DYNLT4: variants seen among roughly 807,000 people sequenced by gnomAD.
DYNLT4 encodes the protein dynein light chain Tctex-type 4.
DYNLT4 carries 3 observed loss-of-function variants against 1.5 expected under a neutral mutation model. The observed-to-expected ratio is 1.97, with a 90% CI of 0.90 to 5.08. The LOEUF (loss-of-function observed/expected upper bound fraction) is 5.08, where lower values mean the gene tolerates loss of function less well. Ranked by LOEUF, DYNLT4 falls within the 30% of genes most tolerant of loss-of-function variation. The pLI is 0.02. For missense variants in DYNLT4, 346 were observed against 341.0 expected, an observed-to-expected ratio of 1.01 and a Z score of -0.12; for synonymous variants, 181 against 160.0, an observed-to-expected ratio of 1.13 and a Z score of -0.99.
At position 44,806,227 on chromosome 1, in the gene DYNLT4, G is replaced by C. The variant is rs1431761412; in HGVS notation, c.442C>G (p.Leu148Val). 1.3e-6 allele frequency: 2 copies of C among 1,533,974 alleles called. No individual in the cohort carries two copies. The highest frequency in any genetic ancestry group is 2.5e-5 in the East Asian group (1 of 40,770). ...ACCTGCTCGCAGAGCTCCCGCACCA[G>C]CCGCGCGGCCTCGTCGCTGGAGTAG... is the stretch of plus-strand genomic sequence containing the variant. The part of the protein sequence containing the change: ...ACYSSDEAAR[L>V]VRELCEQVHV... Residue 148 changes from leucine (L) to valine (V), a missense_variant, in exon 3 of 3, where the codon CTG (leucine) becomes GTG (valine). Leu to Val is a conservative substitution (Grantham distance 32). Coordinates refer to ENST00000339355, the MANE Select transcript of DYNLT4 (RefSeq NM_001377534.1).
chr1:44,805,955 G>T lies in DYNLT4; in HGVS notation c.*48C>A. 1 of 1,509,430 alleles carries T rather than the reference G, an allele frequency of 6.6e-7. No homozygotes were observed. The highest frequency in any genetic ancestry group is 8.9e-7 in the Non-Finnish European group (1 of 1,129,176). The allele number at this position is 1,509,430 out of a possible 1,614,324, so 93.5% of individuals were successfully genotyped here. The stretch of plus-strand genomic sequence containing the variant: ...ATTTATTGGGATGTGAGCCCCAGGG[G>T]GGCCTCCTCCTAGGATAATAAACAA... On this transcript the variant is annotated 3_prime_UTR_variant, in exon 3 of 3. Coordinates refer to ENST00000339355, the MANE Select transcript of DYNLT4 (RefSeq NM_001377534.1).
intron 1 of DYNLT4, 161 bp downstream of exon 1, chr1:44,807,164 C>T: frequency 1.0e-6 from 1 of 981,430 alleles, no homozygotes; most frequent in Non-Finnish European, 1.2e-6. Flanking sequence ...CAGATCTACT[C>T]TAGGGTGGCT....
rs779385197 is a variant in DYNLT4, at chr1:44,806,451, C to G, written c.218G>C (p.Gly73Ala). ...CAGGGATGGCCGCTGACCCCCAGGA[C>G]CCGCGCCTGGCCCGACCAGCGAGTT... The part of the protein sequence containing the change: ...RRNSLVGPGA[G>A]PGGQRPSLGP... The change falls in exon 3 of 3, where the codon GGT (glycine) becomes GCT (alanine). Residue 73 changes from glycine to alanine, a missense_variant. Gly to Ala is a moderately conservative substitution (Grantham distance 60). Transcript: ENST00000339355. 9 of 1,525,250 alleles carry G rather than the reference C, an allele frequency of 5.9e-6. 1 individual carries two copies. The South Asian group carries it at 8.4e-5, about 14-fold the overall frequency. 94.5% of individuals were successfully genotyped at this position (1,525,250 alleles called of 1,614,324 possible).
At chr1:44,806,703 G>A in intron 2 of DYNLT4, 24 bp from the exon 3 acceptor site, 1 of 1,427,062 alleles carries the variant, frequency 7.0e-7, no homozygotes, top group South Asian at 1.5e-5. Flanking sequence ...ACTCAGGGTG[G>A]CCTTCACCAG....
At position 44,806,457 on chromosome 1, in the gene DYNLT4, C is replaced by T. The variant is rs1466038982; in HGVS notation, c.212G>A (p.Gly71Asp). 1.7e-5 allele frequency: 26 copies of T among 1,524,128 alleles called. No individual in the cohort carries two copies. The highest frequency in any genetic ancestry group is 2.3e-5 in the Non-Finnish European group (26 of 1,141,532). 94.4% of individuals were successfully genotyped at this position (1,524,128 alleles called of 1,614,324 possible). The change falls in exon 3 of 3, where the codon GGC becomes GAC. Residue 71 changes from glycine (G) to aspartate (D), a missense_variant. Physicochemically the swap from Gly to Asp is moderately conservative, Grantham distance 94. Transcript: ENST00000339355. Reference sequence around the variant, plus strand: ...TGGCCGCTGACCCCCAGGACCCGCGCCTGGCCCGACCAGCGAGTTGCGGCG... The same window carrying T: ...TGGCCGCTGACCCCCAGGACCCGCGTCTGGCCCGACCAGCGAGTTGCGGCG... ...FSRRNSLVGP[G>D]AGPGGQRPSL...
In DYNLT4 at chr1:44,806,193, C is replaced by T. The variant is rs1333545264; in HGVS notation, c.476G>A (p.Arg159His). 4 of 1,548,852 alleles carry T rather than the reference C, an allele frequency of 2.6e-6. No homozygotes were observed. Among genetic ancestry groups the T allele is most frequent in the East Asian group, 4.8e-5 (2 of 41,722 alleles). Reference protein sequence around the residue: ...VRELCEQVHVRLRELSPPRYK... With the variant: ...VRELCEQVHVHLRELSPPRYK... ...GCGTGGCGGGCTGAGCTCGCGCAGG[C>T]GAACGTGCACCTGCTCGCAGAGCTC... is the stretch of plus-strand genomic sequence containing the variant. Residue 159 changes from arginine (R) to histidine (H), a missense_variant, in exon 3 of 3, where the codon CGC becomes CAC. Arg to His is a conservative substitution (Grantham distance 29). Coordinates refer to ENST00000339355, the MANE Select transcript of DYNLT4 (RefSeq NM_001377534.1).
rs759039462 is a variant in DYNLT4, at chr1:44,806,175, GGGCTGAGCTCGCGCA to G, written c.479_493del (p.Leu160_Ser164del). 41 of 1,567,006 alleles carry G rather than the reference GGGCTGAGCTCGCGCA, an allele frequency of 2.6e-5. 1 individual carries two copies. The South Asian group carries it at 4.6e-4, about 18-fold the overall frequency. ...ACTGCATACCAGCTTGTAGCGTGGCGGGCTGAGCTCGCGCAGGCGAACGTGCACCTGCTCGCAGAG... is the reference window on the plus strand; with the variant it reads ...ACTGCATACCAGCTTGTAGCGTGGCGGGCGAACGTGCACCTGCTCGCAGAG... On this transcript the variant is annotated inframe_deletion, in exon 3 of 3. Transcript: ENST00000339355.
At chr1:44,806,861 G>A in intron 1 of DYNLT4, 23 bp from the exon 2 acceptor site, 1 of 985,424 alleles carries the variant, frequency 1.0e-6, no homozygotes, top group Non-Finnish European at 1.2e-6. Context: ...AAGGCTGTTA[G>A]ACACATGAGC....
chr1:44,806,513 GC>G lies in DYNLT4; in HGVS notation c.155del (p.Gly52AlafsTer206). 1 of 1,498,642 alleles carries G rather than the reference GC, an allele frequency of 6.7e-7. No individual in the cohort carries two copies. The highest frequency in any genetic ancestry group is 2.3e-5 in the Admixed American group (1 of 43,498). The allele number at this position is 1,498,642 out of a possible 1,614,324, so 92.8% of individuals were successfully genotyped here. A position where few individuals can be genotyped will look rare whatever the true frequency, so the allele number is the denominator to read the frequency against. On this transcript the variant is annotated frameshift_variant, in exon 3 of 3. Transcript: ENST00000339355. LOFTEE classifies it low-confidence loss of function (END_TRUNC). ...AGGACGCGGCCAGGCCCAGCATGGA[GC>G]CCCGGCGCGAGGCCGGGGCTGGACC... is the stretch of plus-strand genomic sequence containing the variant. The part of the protein sequence containing the change: ...GPGPAPASRR[G>X]SMLGLAASFS...
rs768067216 is a variant in DYNLT4, at chr1:44,806,015, G to A, written c.654C>T (p.Leu218=). The change falls in exon 3 of 3, where the codon CTC becomes CTT. Residue 218 remains leucine (L), a synonymous_variant. Transcript: ENST00000339355. ...SLFAVATVHG[L]YCE ...ATTGGACTCCCCCTCACTCGCAGTA[G>A]AGCCCGTGGACCGTGGCCACCGCGA... is the stretch of plus-strand genomic sequence containing the variant. 5 of 1,553,510 alleles carry A rather than the reference G, an allele frequency of 3.2e-6. No individual in the cohort carries two copies. The highest frequency in any genetic ancestry group is 4.4e-6 in the Non-Finnish European group (5 of 1,146,978).
Position 44,806,254 on chromosome 1 carries a change from A to AC in DYNLT4, c.414dup (p.Cys139ValfsTer97). Reference sequence around the variant, plus strand: ...CGCGCGGCCTCGTCGCTGGAGTAGCACGCGTCGTGCAGCCCTGCGGCCAGC... The same window carrying AC: ...CGCGCGGCCTCGTCGCTGGAGTAGCACCGCGTCGTGCAGCCCTGCGGCCAGC... On this transcript the variant is annotated frameshift_variant, in exon 3 of 3. Transcript: ENST00000339355. LOFTEE classifies it low-confidence loss of function (END_TRUNC). 1 of 1,520,978 alleles carries AC rather than the reference A, an allele frequency of 6.6e-7. No individual in the cohort carries two copies. The highest frequency in any genetic ancestry group is 8.8e-7 in the Non-Finnish European group (1 of 1,137,264). 94.2% of individuals were successfully genotyped at this position (1,520,978 alleles called of 1,614,324 possible).
At chr1:44,807,194 C>T (rs1045607207) in intron 1 of DYNLT4, 131 bp downstream of exon 1, 12 of 957,798 alleles carry the variant, frequency 1.3e-5, no homozygotes, top group Admixed American at 6.2e-5. Context: ...ATCTCCCCTA[C>T]ACCTGGCCCA....
At chr1:44,807,186 C>T (rs1378331896) in intron 1 of DYNLT4, 139 bp downstream of exon 1, 1 of 970,970 alleles carries the variant, frequency 1.0e-6, no homozygotes, top group Non-Finnish European at 1.2e-6. Context: ...GCACAAAGAT[C>T]TCCCCTACAC....
At position 44,806,549 on chromosome 1, in the gene DYNLT4, C is replaced by G; in HGVS notation, c.120G>C (p.Pro40=). 2 of 1,500,370 alleles carry G rather than the reference C, an allele frequency of 1.3e-6. No homozygotes were observed. Among genetic ancestry groups the G allele is most frequent in the Non-Finnish European group, 1.8e-6 (2 of 1,129,050 alleles). The allele number at this position is 1,500,370 out of a possible 1,614,324, so 92.9% of individuals were successfully genotyped here. Residue 40 remains proline (P), a synonymous_variant, in exon 3 of 3, where the codon CCG becomes CCC. Transcript: ENST00000339355. ...AGGCCGGGGCTGGACCTGGACCTGCCGGTCGGGCCTCATCAATGCTGGGCA... is the reference window on the plus strand; with the variant it reads ...AGGCCGGGGCTGGACCTGGACCTGCGGGTCGGGCCTCATCAATGCTGGGCA... ...GCLPSIDEAR[P]AGPGPAPASR... is the part of the protein sequence containing the mutation.
chr1:44,807,213 G>A (rs976575980), intron 1 of DYNLT4, 112 bp downstream of exon 1: 1 of 865,046 alleles, frequency 1.2e-6, no homozygotes, highest in African/African-American at 1.8e-5. Context: ...CAGGCTGAGG[G>A]CAGATGACTC....
Position 44,807,348 on chromosome 1 carries a change from T to C in DYNLT4, c.-90A>G, listed in dbSNP as rs1652161809. On this transcript the variant is annotated 5_prime_UTR_variant, in exon 1 of 3. Coordinates refer to ENST00000339355, the MANE Select transcript of DYNLT4 (RefSeq NM_001377534.1). ...ACCTGAGTCACCCGCAGGCTTTGGC[T>C]TCTGAGTTCTGTCCTGGCTGCACAG... Among the ~76,000 whole-genome samples, 1 of 152,234 alleles carries C rather than the reference T, an allele frequency of 6.6e-6. No individual in the cohort carries two copies. Among genetic ancestry groups the C allele is most frequent in the Non-Finnish European group, 1.5e-5 (1 of 68,038 alleles).
In DYNLT4 at chr1:44,806,419, C is replaced by G; in HGVS notation, c.250G>C (p.Val84Leu). 6.6e-7 allele frequency: 1 copy of G among 1,516,674 alleles called. No individual in the cohort carries two copies. The highest frequency in any genetic ancestry group is 8.8e-7 in the Non-Finnish European group (1 of 1,138,778). 94.0% of individuals were successfully genotyped at this position (1,516,674 alleles called of 1,614,324 possible). A position where few individuals can be genotyped will look rare whatever the true frequency, so the allele number is the denominator to read the frequency against. ...CTGACCCTTGAGCCCAGAGGGGGCACCGGGCCCAGGGATGGCCGCTGACCC... is the reference window on the plus strand; with the variant it reads ...CTGACCCTTGAGCCCAGAGGGGGCAGCGGGCCCAGGGATGGCCGCTGACCC... ...PGGQRPSLGP[V>L]PPLGSRVSFS... The change falls in exon 3 of 3, where the codon GTG becomes CTG. Residue 84 changes from valine to leucine, a missense_variant. Transcript: ENST00000339355.
chr1:44,807,181 A>G lies in DYNLT4; in HGVS notation c.-67+144T>C, dbSNP rs188477624. 2.6e-3 allele frequency: 2,525 copies of G among 975,438 alleles called. 3 individuals carry two copies. Among genetic ancestry groups the G allele is most frequent in the Non-Finnish European group, 3.0e-3 (2,457 of 820,906 alleles). The allele number at this position is 975,438 out of a possible 1,614,324, so 60.4% of individuals were successfully genotyped here. A position where few individuals can be genotyped will look rare whatever the true frequency, so the allele number is the denominator to read the frequency against. On this transcript the variant is annotated intron_variant, in intron 1 of 2. Transcript: ENST00000339355. ...GATCTACTCTAGGGTGGCTGGCACA[A>G]AGATCTCCCCTACACCTGGCCCAGG...
intron 1 of DYNLT4, 108 bp from the exon 2 acceptor site, chr1:44,806,946 G>A (rs746559481): frequency 1.8e-4 from 175 of 985,240 alleles, no homozygotes; most frequent in Non-Finnish European, 2.1e-4. Flanking sequence ...GGGCACTATG[G>A]AAGTTAGCCA....
Sources: allele counts gnomAD v4.1 joint callset (sites outside exome capture counted in the v4.1 genomes callset), GRCh38; gene constraint gnomAD v4.1.1; transcripts MANE v1.5; gene names NCBI Gene and HGNC (gene_info 2026-07-23, HGNC 2026-07-21).